Variants in FANCD2 observed in about 807,000 individuals in gnomAD.
FANCD2 encodes the protein Fanconi anemia group D2 protein.
A neutral mutation model predicts 192.3 loss-of-function variants in FANCD2; 131 were observed. That is an observed-to-expected ratio of 0.68 (90% CI 0.59 to 0.79). The LOEUF (loss-of-function observed/expected upper bound fraction) is 0.79, where lower values mean the gene tolerates loss of function less well. Ranked by LOEUF, FANCD2 falls within the 30% of genes least tolerant of loss-of-function variation. FANCD2 has a pLI of 0.00. For synonymous variants in FANCD2, 524 were observed against 612.5 expected (o/e 0.86, Z 2.13); for missense variants, 1,508 against 1,701.6 (o/e 0.89, Z 2.00).
chr3:10,071,824 GTC>G (rs1693266209), intron 26 of FANCD2, among the ~76,000 whole-genome samples: 1 of 151,948 alleles, frequency 6.6e-6, no homozygotes, highest in African/African-American at 2.4e-5. Flanking sequence ...CAGTGGCACA[GTC>G]TCGGCTTACT....
In FANCD2 at chr3:10,032,914, A is replaced by G. The variant is rs1481361489; in HGVS notation, c.147A>G (p.Val49=). ...NEVEENDSIF[V]KLLKISGIIL... is the part of the protein sequence containing the mutation. ...TTGAAGAAAATGACAGCATCTTTGT[A>G]AAGCTTCTTAAGATATCAGGAATTA... The change falls in exon 3 of 44, where the codon GTA becomes GTG. Residue 49 remains valine, a synonymous_variant. Transcript: ENST00000675286. The G allele has an allele frequency of 1.2e-6, 2 of 1,600,038 alleles. No individual in the cohort carries two copies. The highest frequency in any genetic ancestry group is 1.7e-6 in the Non-Finnish European group (2 of 1,167,446).
At chr3:10,040,630 G>C (rs1389855261) in intron 9 of FANCD2, 1 of 454,140 alleles carries the variant, frequency 2.2e-6, no homozygotes, top group Admixed American at 2.4e-5. Context: ...TGGTAGGGAA[G>C]TATTGAAGAA....
chr3:10,085,055 C>G (rs376473059), intron 32 of FANCD2, among the ~76,000 whole-genome samples: 12 of 152,268 alleles, frequency 7.9e-5, no homozygotes, highest in African/African-American at 2.6e-4. Flanking sequence ...ATAGAAATGT[C>G]AAGACTTGAC....
chr3:10,073,065 A>G (rs1693344086), intron 27 of FANCD2, 84 bp downstream of exon 27: 1 of 877,940 alleles, frequency 1.1e-6, no homozygotes, highest in East Asian at 2.6e-5. Flanking sequence ...TCATGGCATC[A>G]GTAATTGGAA....
chr3:10,029,086 A>G lies in FANCD2; in HGVS notation c.64+365A>G, dbSNP rs551482269. The stretch of plus-strand genomic sequence containing the variant: ...AAAAAAAATATTATGATCTAGACAC[A>G]TGCTATGTTAGTGATGTGAAAGGAA... On this transcript the variant is annotated intron_variant, in intron 2 of 43. Transcript: ENST00000675286. Among the ~76,000 whole-genome samples, 15 of 152,208 alleles carry G rather than the reference A, an allele frequency of 9.9e-5. No individual in the cohort carries two copies. In the South Asian group the frequency reaches 2.9e-3, roughly 29 times the overall value.
rs1051740558 is a variant in FANCD2 at position 10,078,165 on chromosome 3, C to T, written c.2944C>T (p.Pro982Ser). Reference protein sequence around the residue: ...LSQKLESMLTPPIARRVPFLK... With the variant: ...LSQKLESMLTSPIARRVPFLK... ...CCAGAAGCTGGAGAGTATGCTGACA[C>T]CTCCTATTGCCAGGAGAGTCCCCTT... The change falls in exon 30 of 44, where the codon CCT becomes TCT. Residue 982 changes from proline (P) to serine (S), a missense_variant. Around this residue, in one of 5 missense-constraint regions of FANCD2, gnomAD observed 796 missense variants for 879.4 expected, o/e 0.91. Transcript: ENST00000675286. 3.5e-5 allele frequency: 56 copies of T among 1,612,854 alleles called. No individual in the cohort carries two copies. Among genetic ancestry groups the T allele is most frequent in the Non-Finnish European group, 4.7e-5 (56 of 1,179,078 alleles).
rs141233997 is a variant in FANCD2 at position 10,081,608 on chromosome 3, G to A, written c.3224+144G>A. 2,113 of 764,154 alleles carry A rather than the reference G, an allele frequency of 2.8e-3. 9 individuals are homozygous for A. Among genetic ancestry groups the A allele is most frequent in the Non-Finnish European group, 3.1e-3 (1,313 of 424,432 alleles). The allele number at this position is 764,154 out of a possible 1,614,324, so 47.3% of individuals were successfully genotyped here. On this transcript the variant is annotated intron_variant, in intron 32 of 43. Coordinates refer to ENST00000675286, the MANE Select transcript of FANCD2 (RefSeq NM_001018115.3). ...TCATTAATTTTGTGGGAGTGTTTTTGTCTGTATTATTTCATTTGATCTTGT... is the reference window on the plus strand; with the variant it reads ...TCATTAATTTTGTGGGAGTGTTTTTATCTGTATTATTTCATTTGATCTTGT...
chr3:10,087,262 T>C lies in FANCD2; in HGVS notation c.3464T>C (p.Ile1155Thr), dbSNP rs537921299. 1 of 1,604,862 alleles carries C rather than the reference T, an allele frequency of 6.2e-7. No homozygotes were observed. Among genetic ancestry groups the C allele is most frequent in the South Asian group, 1.1e-5 (1 of 90,882 alleles). ...GCTTCTGCTCAGAACAAAGAAAAAA[T>C]TGGTGATGGGCCTAGATCCTTTTTT... The part of the protein sequence containing the change: ...STASAQNKEK[I>T]ASLARQFLCR... Residue 1155 changes from isoleucine (I) to threonine (T), a missense_variant and splice_region_variant, in exon 34 of 44, where the codon ATT (isoleucine) becomes ACT (threonine). Physicochemically the swap from Ile to Thr is moderately conservative, Grantham distance 89. Transcript: ENST00000675286.
rs918379857 is a variant in FANCD2, at chr3:10,074,545, G to C, written c.2731G>C (p.Glu911Gln). ...GQLNKEFTGK[E>Q]EKTSLLLHNS... ...TTCCCCATAGGAGTTCACAGGGAAG[G>C]AAGAAAAGACATCATTGTTACTACA... is the stretch of plus-strand genomic sequence containing the variant. Residue 911 changes from glutamate to glutamine, a missense_variant, in exon 29 of 44, where the codon GAA (glutamate) becomes CAA (glutamine). Physicochemically the swap from Glu to Gln is conservative, Grantham distance 29 (BLOSUM62 2). Transcript: ENST00000675286. 1 of 1,613,526 alleles carries C rather than the reference G, an allele frequency of 6.2e-7. No individual in the cohort carries two copies. Among genetic ancestry groups the C allele is most frequent in the African/African-American group, 1.3e-5 (1 of 74,890 alleles).
At chr3:10,044,598 A>T (rs1327007008) in intron 14 of FANCD2, among the ~76,000 whole-genome samples, 1 of 151,930 alleles carries the variant, frequency 6.6e-6, no homozygotes, top group Non-Finnish European at 1.5e-5. Context: ...AAAGATAAAA[A>T]GCCGGATGAT....
At chr3:10,032,540 C>CA (rs1407241710) in intron 2 of FANCD2, 2 of 356,772 alleles carry the variant, frequency 5.6e-6, no homozygotes, top group African/African-American at 4.3e-5. Context: ...CTCCTGGCTT[C>CA]AAGTGATCCT....
Position 10,072,760 on chromosome 3 carries a change from A to G in FANCD2, c.2495-111A>G, listed in dbSNP as rs370554100. 10 of 730,512 alleles carry G rather than the reference A, an allele frequency of 1.4e-5. No homozygotes were observed. The African/African-American group carries it at 1.6e-4, about 11-fold the overall frequency. The allele number at this position is 730,512 out of a possible 1,614,324, so 45.3% of individuals were successfully genotyped here. On this transcript the variant is annotated intron_variant, in intron 26 of 43. Transcript: ENST00000675286. ...GAATATGTCTTATAAGCATTCAGCC[A>G]TGCTTGGTAATTTTGGAAACTAGTT... is the stretch of plus-strand genomic sequence containing the variant.
chr3:10,036,017 G>GTAAT (rs2086719178), intron 6 of FANCD2, among the ~76,000 whole-genome samples: 1 of 150,502 alleles, frequency 6.6e-6, no homozygotes, highest in South Asian at 2.1e-4. Context: ...GGATATCCTT[G>GTAAT]TAATAAGATA....
rs540419593 is a variant in FANCD2, at chr3:10,094,116, G to C, written c.3889-173G>C. ...TGGGGCTTAGTTAACAGGCCTATTT[G>C]ATTTTTGTATTAAGTTACATTCTCC... On this transcript the variant is annotated intron_variant, in intron 39 of 43. Coordinates refer to ENST00000675286, the MANE Select transcript of FANCD2 (RefSeq NM_001018115.3). Among the ~76,000 whole-genome samples the C allele has an allele frequency of 3.9e-5, 6 of 152,252 alleles. No homozygotes were observed. The South Asian group carries it at 1.2e-3, about 32-fold the overall frequency.
intron 32 of FANCD2, among the ~76,000 whole-genome samples, chr3:10,082,864 A>G (rs1693930013): frequency 6.6e-6 from 1 of 152,176 alleles, no homozygotes. Context: ...TTATATCCTC[A>G]TTACTTAAAA....
chr3:10,040,837 A>G, intron 9 of FANCD2: 5 of 247,052 alleles, frequency 2.0e-5, no homozygotes, highest in South Asian at 8.1e-5. Flanking sequence ...GTACTACGCC[A>G]TCCACTTTAC....
chr3:10,039,252 C>T (rs775049680), intron 7 of FANCD2, 27 bp from the exon 8 acceptor site: 45 of 1,561,872 alleles, frequency 2.9e-5, no homozygotes, highest in Non-Finnish European at 3.8e-5. Flanking sequence ...AGGCTCAGTT[C>T]CCTGTTTTCT....
intron 26 of FANCD2, among the ~76,000 whole-genome samples, chr3:10,072,025 G>A (rs1231489241): frequency 6.6e-6 from 1 of 152,158 alleles, no homozygotes; most frequent in Non-Finnish European, 1.5e-5. Context: ...CTCCCAAAGT[G>A]CTGGGATTAC....
intron 9 of FANCD2, chr3:10,040,510 A>G: frequency 2.2e-6 from 1 of 456,686 alleles, no homozygotes; most frequent in Non-Finnish European, 4.4e-6. Context: ...GGAGCCTATT[A>G]AACATCTACC....
Sources: allele counts gnomAD v4.1 joint callset (sites outside exome capture counted in the v4.1 genomes callset), GRCh38; gene constraint gnomAD v4.1.1; regional missense constraint gnomAD v4.1.1; transcripts MANE v1.5; gene names NCBI Gene and HGNC (gene_info 2026-07-23, HGNC 2026-07-21).